The following BRINP3 variants were observed in gnomAD, a reference collection of about 807,000 sequenced individuals.
BRINP3 encodes BMP/retinoic acid inducible neural specific 3, also known as BMP/retinoic acid-inducible neural-specific protein 3.
Under a neutral mutation model 71.0 loss-of-function variants are expected in BRINP3, and 19 were observed. The observed-to-expected ratio is 0.27, with a 90% CI of 0.19 to 0.39. BRINP3 has a LOEUF of 0.39. Ranked by LOEUF, BRINP3 falls within the 10% of genes least tolerant of loss-of-function variation. BRINP3 has a pLI of 1.00. For missense variants in BRINP3, 959 were observed against 940.8 expected, an observed-to-expected ratio of 1.02 and a Z score of -0.25; for synonymous variants, 380 against 337.7, an observed-to-expected ratio of 1.13 and a Z score of -1.37.
Position 190,160,708 on chromosome 1 carries a change from T to A in BRINP3, c.1144A>T (p.Arg382Trp), listed in dbSNP as rs1341305413. 1.9e-6 allele frequency: 3 copies of A among 1,613,486 alleles called. No individual in the cohort carries two copies. Among genetic ancestry groups the A allele is most frequent in the Non-Finnish European group, 2.5e-6 (3 of 1,179,662 alleles). ...CTGATGAGGGGTTGTTTATGACACCTCTTGCTAAGGCTAAAAAGCTTGTGT... is the reference window on the plus strand; with the variant it reads ...CTGATGAGGGGTTGTTTATGACACCACTTGCTAAGGCTAAAAAGCTTGTGT... ...IVHKLFSLSK[R>W]CHKQPLISLP... is the part of the protein sequence containing the mutation. Residue 382 changes from arginine (R) to tryptophan (W), a missense_variant, in exon 7 of 8, where the codon AGG becomes TGG. Physicochemically the swap from Arg to Trp is moderately radical, Grantham distance 101. Coordinates refer to ENST00000367462, the MANE Select transcript of BRINP3 (RefSeq NM_199051.3).
At chr1:190,364,280 T>A (rs1669344168) in intron 2 of BRINP3, among the ~76,000 whole-genome samples, 1 of 152,122 alleles carries the variant, frequency 6.6e-6, no homozygotes, top group East Asian at 1.9e-4. Context: ...AAGCATAAGT[T>A]GGAACTGGTC....
chr1:190,470,119 T>C (rs919706158), intron 1 of BRINP3, among the ~76,000 whole-genome samples: 9 of 151,032 alleles, frequency 6.0e-5, no homozygotes, highest in Non-Finnish European at 7.4e-5. Flanking sequence ...CAACTCTAGA[T>C]TGTTTTTTAA....
intron 2 of BRINP3, among the ~76,000 whole-genome samples, chr1:190,427,933 C>T (rs1673831822): frequency 6.6e-6 from 1 of 150,944 alleles, no homozygotes; most frequent in South Asian, 2.1e-4. Context: ...TGTGCTCTTC[C>T]TCTCTATGTG....
At chr1:190,163,071 G>C (rs1651158293) in intron 6 of BRINP3, among the ~76,000 whole-genome samples, 1 of 151,954 alleles carries the variant, frequency 6.6e-6, no homozygotes, top group South Asian at 2.1e-4. Context: ...AAGACCCCCG[G>C]AAATATTCCT....
chr1:190,336,576 G>C (rs780297053), intron 2 of BRINP3, among the ~76,000 whole-genome samples: 43 of 151,814 alleles, frequency 2.8e-4, no homozygotes, highest in Non-Finnish European at 4.6e-4. Context: ...TTTTAACCCA[G>C]GACAAATATC....
At chr1:190,417,507 C>T (rs961419275) in intron 2 of BRINP3, among the ~76,000 whole-genome samples, 2 of 151,930 alleles carry the variant, frequency 1.3e-5, no homozygotes, top group African/African-American at 4.8e-5. Context: ...AATATTTTTG[C>T]TGTTGTTTTA....
chr1:190,122,908 C>A (rs1201768396), intron 7 of BRINP3, among the ~76,000 whole-genome samples: 1 of 152,060 alleles, frequency 6.6e-6, no homozygotes, highest in Non-Finnish European at 1.5e-5. Context: ...TATAAAGATG[C>A]ATGAATCTGA....
chr1:190,277,970 A>C (rs1488068957), intron 3 of BRINP3, among the ~76,000 whole-genome samples: 2 of 151,694 alleles, frequency 1.3e-5, no homozygotes, highest in Non-Finnish European at 2.9e-5. Context: ...TGTTTTTTAT[A>C]ATTTATTTTT....
At chr1:190,141,570 T>TC (rs1214326269) in intron 7 of BRINP3, among the ~76,000 whole-genome samples, 1 of 138,506 alleles carries the variant, frequency 7.2e-6, no homozygotes, top group African/African-American at 2.7e-5. Context: ...TTTTTTTTTT[T>TC]TTTTTTTTTG....
At chr1:190,124,054 A>C (rs1472416513) in intron 7 of BRINP3, among the ~76,000 whole-genome samples, 3 of 152,092 alleles carry the variant, frequency 2.0e-5, no homozygotes, top group Non-Finnish European at 4.4e-5. Flanking sequence ...CTATGATTTG[A>C]ATTTGTTTCC....
chr1:190,416,643 TA>T (rs1294278487), intron 2 of BRINP3, among the ~76,000 whole-genome samples: 1 of 152,170 alleles, frequency 6.6e-6, no homozygotes, highest in Non-Finnish European at 1.5e-5. Context: ...AGATAAGTAA[TA>T]ATGATGTAAG....
intron 6 of BRINP3, among the ~76,000 whole-genome samples, chr1:190,217,432 G>A (rs772577206): frequency 2.6e-5 from 4 of 151,770 alleles, no homozygotes; most frequent in Non-Finnish European, 5.9e-5. Context: ...GTTTTAAAAA[G>A]AGTCCAATAT....
rs552187782 is a variant in BRINP3 at position 190,148,717 on chromosome 1, CTTCTT to C, written c.1184+11946_1184+11950del. Among the ~76,000 whole-genome samples the C allele has an allele frequency of 2.3e-3, 357 of 151,976 alleles. 2 individuals carry two copies. Among genetic ancestry groups the C allele is most frequent in the Middle Eastern group, 0.01 (3 of 292 alleles). On this transcript the variant is annotated intron_variant, in intron 7 of 7. Coordinates refer to ENST00000367462, the MANE Select transcript of BRINP3 (RefSeq NM_199051.3). ...TGTTTTACTGTAATAAACTAATGCTCTTCTTTTAACAGTCTACTGTATTTTAGTTT... is the reference window on the plus strand; with the variant it reads ...TGTTTTACTGTAATAAACTAATGCTCTTAACAGTCTACTGTATTTTAGTTT...
intron 7 of BRINP3, among the ~76,000 whole-genome samples, chr1:190,119,290 T>C (rs1240209775): frequency 6.6e-6 from 1 of 151,908 alleles, no homozygotes; most frequent in Non-Finnish European, 1.5e-5. Context: ...TTATTATTAT[T>C]ATTTTGAGAT....
chr1:190,447,321 ATT>A (rs915641071), intron 2 of BRINP3, among the ~76,000 whole-genome samples: 4 of 146,590 alleles, frequency 2.7e-5, no homozygotes, highest in African/African-American at 9.9e-5. Context: ...ATATAGTATA[ATT>A]TTTTTAACCA....
intron 3 of BRINP3, among the ~76,000 whole-genome samples, chr1:190,276,743 T>G (rs933654236): frequency 6.6e-6 from 1 of 151,442 alleles, no homozygotes; most frequent in South Asian, 2.1e-4. Context: ...TTTTTGCACA[T>G]TGATCATGAA....
chr1:190,128,642 T>C (rs1400391816), intron 7 of BRINP3, among the ~76,000 whole-genome samples: 1 of 151,850 alleles, frequency 6.6e-6, no homozygotes, highest in Non-Finnish European at 1.5e-5. Flanking sequence ...ACATTATTTG[T>C]TAATAAATTA....
At chr1:190,317,204 A>C (rs1665946538) in intron 2 of BRINP3, among the ~76,000 whole-genome samples, 1 of 149,032 alleles carries the variant, frequency 6.7e-6, no homozygotes, top group African/African-American at 2.5e-5. Flanking sequence ...TCTCTAAAAT[A>C]CCTTGCCTTA....
intron 2 of BRINP3, among the ~76,000 whole-genome samples, chr1:190,358,112 T>A (rs1023046310): frequency 6.6e-6 from 1 of 152,198 alleles, no homozygotes; most frequent in Non-Finnish European, 1.5e-5. Flanking sequence ...AAGGACTTCA[T>A]GTCTAAAACA....
Sources: gnomAD v4.1 joint callset for allele counts (sites outside exome capture counted in the v4.1 genomes callset) on GRCh38, gnomAD v4.1.1 for gene constraint, MANE v1.5 for transcripts, NCBI Gene and HGNC (gene_info 2026-07-23, HGNC 2026-07-21) for gene names.